LRRC7: variants seen among roughly 807,000 people sequenced by gnomAD.
The protein encoded by LRRC7 is leucine rich repeat containing 7, also known as leucine-rich repeat-containing protein 7.
A neutral mutation model predicts 175.7 loss-of-function variants in LRRC7; 23 were observed. That is an observed-to-expected ratio of 0.13 (90% CI 0.09 to 0.19). LRRC7 has a LOEUF of 0.19. Among genes scored for constraint, LRRC7 ranks in the 10% least tolerant of loss-of-function variants. LRRC7 has a pLI of 1.00. For synonymous variants in LRRC7, 685 were observed against 680.9 expected (o/e 1.01, Z -0.09); for missense variants, 1,354 against 1,904.7 (o/e 0.71, Z 5.38).
At chr1:70,106,995 CA>C (rs1665191627) in intron 25 of LRRC7, among the ~76,000 whole-genome samples, 1 of 152,170 alleles carries the variant, frequency 6.6e-6, no homozygotes, top group Non-Finnish European at 1.5e-5. Context: ...ACTTCTCCTC[CA>C]CTAGATTGTG....
intron 2 of LRRC7, among the ~76,000 whole-genome samples, chr1:69,724,714 G>A (rs1666752068): frequency 6.6e-6 from 1 of 152,106 alleles, no homozygotes; most frequent in African/African-American, 2.4e-5. Context: ...AGCAGTAAAT[G>A]AGATGAGAAG....
At chr1:69,817,771 T>C (rs1381923433) in intron 4 of LRRC7, among the ~76,000 whole-genome samples, 2 of 152,162 alleles carry the variant, frequency 1.3e-5, no homozygotes, top group African/African-American at 2.4e-5. Context: ...ATACATGATA[T>C]CTTCTCATTT....
chr1:69,937,045 G>T (rs1648115130), intron 8 of LRRC7, among the ~76,000 whole-genome samples: 1 of 151,726 alleles, frequency 6.6e-6, no homozygotes, highest in Non-Finnish European at 1.5e-5. Context: ...CTTATATCTA[G>T]CTATCTGCTA....
chr1:69,798,789 A>G (rs2101086831), intron 4 of LRRC7, among the ~76,000 whole-genome samples: 1 of 152,156 alleles, frequency 6.6e-6, no homozygotes, highest in East Asian at 1.9e-4. Context: ...TTTTCATTCT[A>G]TATTTTCTAA....
intron 1 of LRRC7, among the ~76,000 whole-genome samples, chr1:69,638,957 G>A (rs897497526): frequency 6.6e-6 from 1 of 151,716 alleles, no homozygotes; most frequent in African/African-American, 2.4e-5. Context: ...GTGAAACAAA[G>A]TGTGAACAAA....
chr1:70,047,518 T>C (rs1438326475), intron 22 of LRRC7, among the ~76,000 whole-genome samples: 1 of 152,152 alleles, frequency 6.6e-6, no homozygotes, highest in Non-Finnish European at 1.5e-5. Context: ...AAATTTGTAA[T>C]AAACTAATTA....
At chr1:69,599,731 G>C (rs1646976957) in intron 1 of LRRC7, among the ~76,000 whole-genome samples, 1 of 152,138 alleles carries the variant, frequency 6.6e-6, no homozygotes, top group Non-Finnish European at 1.5e-5. Context: ...TGCTGGCAGA[G>C]CTCCAATTTT....
In LRRC7 at chr1:69,635,115, C is replaced by G. The variant is rs139169768; in HGVS notation, c.3-43266C>G. Among the ~76,000 whole-genome samples the G allele has an allele frequency of 1.3e-3, 201 of 152,090 alleles. 1 individual carries two copies. The highest frequency in any genetic ancestry group is 4.5e-3 in the African/African-American group (188 of 41,532). On this transcript the variant is annotated intron_variant, in intron 1 of 26. Coordinates refer to ENST00000651989, the MANE Select transcript of LRRC7 (RefSeq NM_001370785.2). ...CCTCCAAAAGGCACCAGCGTTTGTT[C>G]CCCTCTATGTGTCCTTGTGCTCTCA...
intron 7 of LRRC7, among the ~76,000 whole-genome samples, chr1:69,896,434 C>T (rs988614981): frequency 6.6e-6 from 1 of 152,112 alleles, no homozygotes; most frequent in African/African-American, 2.4e-5. Flanking sequence ...CATTAATCAA[C>T]CTGTTTCTTC....
At chr1:69,838,086 C>A (rs1681317928) in intron 6 of LRRC7, 141 bp from the exon 7 acceptor site, 2 of 542,046 alleles carry the variant, frequency 3.7e-6, no homozygotes, top group Non-Finnish European at 6.6e-6. Context: ...AGAAATATTC[C>A]AATTCTACTT....
intron 7 of LRRC7, among the ~76,000 whole-genome samples, chr1:69,907,569 AT>A (rs1435009829): frequency 6.6e-6 from 1 of 152,110 alleles, no homozygotes; most frequent in Non-Finnish European, 1.5e-5. Flanking sequence ...ACATTTATTG[AT>A]TTATGTATGT....
intron 3 of LRRC7, among the ~76,000 whole-genome samples, chr1:69,783,550 A>C (rs772720244): frequency 1.4e-4 from 22 of 152,238 alleles, no homozygotes; most frequent in Non-Finnish European, 2.9e-4. Flanking sequence ...TGAGGTCAGG[A>C]GTTCAAGAGC....
At chr1:69,838,412 A>G in intron 7 of LRRC7, 129 bp downstream of exon 7, 2 of 684,852 alleles carry the variant, frequency 2.9e-6, no homozygotes, top group South Asian at 1.6e-5. Flanking sequence ...CCTAAAGGCC[A>G]AAAAGTATGG....
At chr1:69,715,418 C>T (rs1161479389) in intron 2 of LRRC7, among the ~76,000 whole-genome samples, 1 of 151,958 alleles carries the variant, frequency 6.6e-6, no homozygotes, top group Non-Finnish European at 1.5e-5. Context: ...CCCATATCAA[C>T]CATGGGATAA....
chr1:70,114,280 T>C (rs1428726653), intron 26 of LRRC7, among the ~76,000 whole-genome samples: 1 of 152,208 alleles, frequency 6.6e-6, no homozygotes, highest in Non-Finnish European at 1.5e-5. Context: ...TAACTTTTAA[T>C]GTTTAGGTAA....
At chr1:69,798,815 T>A (rs998278245) in intron 4 of LRRC7, among the ~76,000 whole-genome samples, 7 of 152,148 alleles carry the variant, frequency 4.6e-5, no homozygotes, top group African/African-American at 1.7e-4. Context: ...GCCTTTGGTG[T>A]TAGTTATACC....
chr1:70,100,407 G>A (rs1318691726), intron 25 of LRRC7, among the ~76,000 whole-genome samples: 1 of 151,968 alleles, frequency 6.6e-6, no homozygotes, highest in Non-Finnish European at 1.5e-5. Context: ...CAAGTCCAAA[G>A]ACCAAACAAT....
chr1:69,677,568 C>T (rs1262683671), intron 1 of LRRC7, among the ~76,000 whole-genome samples: 1 of 151,928 alleles, frequency 6.6e-6, no homozygotes, highest in Non-Finnish European at 1.5e-5. Context: ...ACATCCATGC[C>T]AACATCTATT....
intron 2 of LRRC7, among the ~76,000 whole-genome samples, chr1:69,735,850 T>C (rs930772334): frequency 1.3e-5 from 2 of 151,876 alleles, no homozygotes; most frequent in African/African-American, 4.8e-5. Context: ...TTGCAAAACT[T>C]CCTTTTCAAT....
Sources: allele counts gnomAD v4.1 joint callset (sites outside exome capture counted in the v4.1 genomes callset), GRCh38; gene constraint gnomAD v4.1.1; transcripts MANE v1.5; gene names NCBI Gene and HGNC (gene_info 2026-07-23, HGNC 2026-07-21).